HMCN1: variants seen among roughly 807,000 people sequenced by gnomAD.
HMCN1 encodes the protein hemicentin-1.
HMCN1 carries 321 observed loss-of-function variants against 625.9 expected under a neutral mutation model. The ratio of observed to expected loss-of-function variants is 0.51; its 90% CI spans 0.47 to 0.56. HMCN1 has a LOEUF of 0.56. HMCN1 is among the 20% of genes least tolerant of loss of function. The pLI, the probability that HMCN1 is intolerant of heterozygous loss-of-function variation, is 0.00. For missense variants in HMCN1, 6,588 were observed against 6,887.3 expected, an observed-to-expected ratio of 0.96 and a Z score of 1.54; for synonymous variants, 2,425 against 2,417.6, an observed-to-expected ratio of 1.00 and a Z score of -0.09.
rs1656538192 is a variant in HMCN1 at position 186,045,937 on chromosome 1, T to G, written c.6480+74T>G. The G allele has an allele frequency of 1.0e-5, 11 of 1,058,208 alleles. No homozygotes were observed. The East Asian group carries it at 2.2e-4, about 21-fold the overall frequency. The allele number at this position is 1,058,208 out of a possible 1,614,324, so 65.6% of individuals were successfully genotyped here. A position where few individuals can be genotyped will look rare whatever the true frequency, so the allele number is the denominator to read the frequency against. On this transcript the variant is annotated intron_variant, in intron 41 of 106. Coordinates refer to ENST00000271588, the MANE Select transcript of HMCN1 (RefSeq NM_031935.3). ...GGTTTTGGTATTACCCTATTTAGCG[T>G]GACTGTCTTTTATAAGTGTTGGACT...
intron 1 of HMCN1, among the ~76,000 whole-genome samples, chr1:185,811,976 A>T (rs1244364782): frequency 2.0e-5 from 3 of 152,212 alleles, no homozygotes; most frequent in Admixed American, 6.5e-5. Flanking sequence ...GGAGACAGAC[A>T]TTAGCAATGT....
intron 1 of HMCN1, among the ~76,000 whole-genome samples, chr1:185,805,150 C>T (rs1659082221): frequency 6.6e-6 from 1 of 152,064 alleles, no homozygotes; most frequent in Non-Finnish European, 1.5e-5. Flanking sequence ...CTTGCCTAAC[C>T]TTACACTGGG....
chr1:185,922,631 C>T (rs940919685), intron 7 of HMCN1, 132 bp downstream of exon 7: 7 of 811,134 alleles, frequency 8.6e-6, no homozygotes, highest in African/African-American at 8.6e-5. Context: ...TGTGACTGTT[C>T]TCTTGGCCTA....
chr1:185,794,240 C>T (rs530966212), intron 1 of HMCN1, among the ~76,000 whole-genome samples: 11 of 152,136 alleles, frequency 7.2e-5, no homozygotes, highest in South Asian at 4.1e-4. Flanking sequence ...AATGCAGCTA[C>T]GCTCTCAGGC....
At chr1:185,852,515 T>C (rs1016010669) in intron 2 of HMCN1, among the ~76,000 whole-genome samples, 1 of 150,116 alleles carries the variant, frequency 6.7e-6, no homozygotes, top group Non-Finnish European at 1.5e-5. Flanking sequence ...ATGATTCAAC[T>C]TAGAAAAGCA....
chr1:186,082,832 A>AT (rs1473846750), intron 56 of HMCN1, 33 bp from the exon 57 acceptor site: 9 of 1,335,766 alleles, frequency 6.7e-6, no homozygotes, highest in Non-Finnish European at 9.4e-6. Context: ...TTTATTCAAA[A>AT]TTTTATTTGG....
chr1:186,021,806 T>G (rs1333221629), intron 35 of HMCN1, among the ~76,000 whole-genome samples: 1 of 152,096 alleles, frequency 6.6e-6, no homozygotes, highest in Admixed American at 6.6e-5. Context: ...GGATCAAATT[T>G]GAATTTTAAA....
intron 36 of HMCN1, among the ~76,000 whole-genome samples, chr1:186,024,469 C>G (rs868617885): frequency 3.3e-5 from 5 of 152,228 alleles, no homozygotes; most frequent in Middle Eastern, 3.4e-3. Flanking sequence ...CCTTCCCTCT[C>G]CCATCAAGTT....
Position 185,897,600 on chromosome 1 carries a change from C to T in HMCN1, c.622-11737C>T, listed in dbSNP as rs115048299. On this transcript the variant is annotated intron_variant, in intron 4 of 106. Transcript: ENST00000271588. ...CCCAGATGTTCTCCCTCTGCTCATC[C>T]GTTTGCATCCTGCTCATCCTTCAAT... Among the ~76,000 whole-genome samples, 905 of 152,288 alleles carry T rather than the reference C, an allele frequency of 5.9e-3. 3 individuals are homozygous for T. Among genetic ancestry groups the T allele is most frequent in the Non-Finnish European group, 9.4e-3 (639 of 68,022 alleles).
chr1:186,155,494 A>T (rs908613019), intron 97 of HMCN1, among the ~76,000 whole-genome samples: 4 of 152,208 alleles, frequency 2.6e-5, no homozygotes, highest in Non-Finnish European at 4.4e-5. Context: ...ATTTAAAAAA[A>T]GATAACTGGG....
At chr1:185,887,769 C>G (rs897811575) in intron 4 of HMCN1, among the ~76,000 whole-genome samples, 1 of 138,920 alleles carries the variant, frequency 7.2e-6, no homozygotes, top group African/African-American at 2.9e-5. Flanking sequence ...AATAAACATA[C>G]GTGTGCATGT....
At chr1:185,994,166 A>G (rs1419801945) in intron 23 of HMCN1, among the ~76,000 whole-genome samples, 1 of 152,174 alleles carries the variant, frequency 6.6e-6, no homozygotes, top group Non-Finnish European at 1.5e-5. Flanking sequence ...TGGTACATTA[A>G]TTATAATTAT....
chr1:186,010,223 G>T (rs1209380762), intron 30 of HMCN1, among the ~76,000 whole-genome samples: 1 of 151,908 alleles, frequency 6.6e-6, no homozygotes, highest in Non-Finnish European at 1.5e-5. Context: ...GTGTGTGGGG[G>T]TACATGGGTG....
rs1365417862 is a variant in HMCN1 at position 186,094,742 on chromosome 1, A to ATG, written c.10294+377_10294+378dup. On this transcript the variant is annotated intron_variant, in intron 67 of 106. Transcript: ENST00000271588. ...TGAATGGATGCATGTGCATATATGC[A>ATG]TGTGTGTGTATGCGTATATATGGAG... Among the ~76,000 whole-genome samples the ATG allele has an allele frequency of 1.6e-4, 25 of 152,290 alleles. No homozygotes were observed. In the East Asian group the frequency reaches 4.3e-3, roughly 26 times the overall value.
chr1:186,107,583 A>T (rs992172998), intron 70 of HMCN1, among the ~76,000 whole-genome samples: 4 of 152,244 alleles, frequency 2.6e-5, no homozygotes, highest in Non-Finnish European at 4.4e-5. Flanking sequence ...GTCAAGAAAT[A>T]CATTTTAAAA....
At chr1:185,931,855 T>A (rs1451461234) in intron 10 of HMCN1, among the ~76,000 whole-genome samples, 2 of 152,220 alleles carry the variant, frequency 1.3e-5, no homozygotes, top group Non-Finnish European at 2.9e-5. Flanking sequence ...AGTAATCATC[T>A]TATTTTTCAG....
chr1:186,027,863 G>A (rs1205839204), intron 36 of HMCN1, among the ~76,000 whole-genome samples: 1 of 152,064 alleles, frequency 6.6e-6, no homozygotes, highest in Non-Finnish European at 1.5e-5. Context: ...GTATTTGCTT[G>A]GCTAACATCT....
At chr1:186,027,130 G>A (rs2024901) in intron 36 of HMCN1, among the ~76,000 whole-genome samples, 93,059 of 152,050 alleles carry the variant, frequency 0.61, 29,428 homozygotes, top group African/African-American at 0.78. Context: ...TCTCAAAGCT[G>A]TAGTAAGGGT....
At chr1:185,799,123 T>G (rs763112238) in intron 1 of HMCN1, among the ~76,000 whole-genome samples, 9 of 152,206 alleles carry the variant, frequency 5.9e-5, no homozygotes, top group Non-Finnish European at 1.3e-4. Context: ...GGTGGCAAAG[T>G]ATCGTATAAG....
Sources: gnomAD v4.1 joint callset for allele counts (sites outside exome capture counted in the v4.1 genomes callset) on GRCh38, gnomAD v4.1.1 for gene constraint, MANE v1.5 for transcripts, NCBI Gene and HGNC (gene_info 2026-07-23, HGNC 2026-07-21) for gene names.